Variants in FMNL2 observed in about 807,000 individuals in gnomAD.
FMNL2 encodes the protein formin-like protein 2.
A neutral mutation model predicts 130.2 loss-of-function variants in FMNL2; 51 were observed. The ratio of observed to expected loss-of-function variants is 0.39; its 90% CI spans 0.31 to 0.49. The LOEUF is 0.49. FMNL2 is among the 20% of genes least tolerant of loss of function. The pLI, the probability that FMNL2 is intolerant of heterozygous loss-of-function variation, is 0.85. For synonymous variants in FMNL2, 465 were observed against 467.1 expected (o/e 1.00, Z 0.06); for missense variants, 977 against 1,316.2 (o/e 0.74, Z 3.99).
At chr2:152,460,237 G>A (rs1164600971) in intron 1 of FMNL2, among the ~76,000 whole-genome samples, 1 of 152,102 alleles carries the variant, frequency 6.6e-6, no homozygotes, top group African/African-American at 2.4e-5. Flanking sequence ...ACAAAGAATA[G>A]CATGTTCTAT....
At chr2:152,571,967 C>T (rs540642400) in intron 6 of FMNL2, among the ~76,000 whole-genome samples, 1 of 151,658 alleles carries the variant, frequency 6.6e-6, no homozygotes, top group Admixed American at 6.6e-5. Flanking sequence ...AATCAATTAG[C>T]CTCATCTTTT....
At chr2:152,412,479 TATATATATATATATATATATATA>T (rs1686367045) in intron 1 of FMNL2, among the ~76,000 whole-genome samples, 1 of 37,330 alleles carries the variant, frequency 2.7e-5, no homozygotes, top group African/African-American at 1.0e-4. Context: ...TATATATATA[TATATATATATATATATATATATA>T]AATTAGAAAA....
intron 23 of FMNL2, 23 bp downstream of exon 23, chr2:152,637,697 C>G (rs780772332): frequency 6.2e-7 from 1 of 1,600,964 alleles, no homozygotes; most frequent in Non-Finnish European, 8.6e-7. Context: ...GCCCTCCTTG[C>G]CCTTATTTCT....
intron 1 of FMNL2, among the ~76,000 whole-genome samples, chr2:152,454,108 T>G (rs181024041): frequency 2.0e-5 from 3 of 150,888 alleles, no homozygotes; most frequent in African/African-American, 7.3e-5. Flanking sequence ...ACCCTGTCTC[T>G]GCTAAAAATA....
chr2:152,457,479 C>T (rs1689018401), intron 1 of FMNL2, among the ~76,000 whole-genome samples: 1 of 152,160 alleles, frequency 6.6e-6, no homozygotes, highest in South Asian at 2.1e-4. Context: ...TTCTTCACAC[C>T]TGTGACTTTA....
Position 152,619,552 on chromosome 2 carries a change from G to GCCACCCCCTCCC in FMNL2, c.1673_1674insACCCCCTCCCCC (p.Pro570_Pro573dup). ...CACCACCTATGCCACCGCCGCCGCC[G>GCCACCCCCTCCC]CCCCCTCCTCCACCTCCTCCTCCCC... On this transcript the variant is annotated inframe_insertion, in exon 15 of 26. Transcript: ENST00000288670. The GCCACCCCCTCCC allele has an allele frequency of 1.4e-6, 2 of 1,417,696 alleles. No homozygotes were observed. The highest frequency in any genetic ancestry group is 1.3e-5 in the South Asian group (1 of 79,024). The allele number at this position is 1,417,696 out of a possible 1,614,324, so 87.8% of individuals were successfully genotyped here. A position where few individuals can be genotyped will look rare whatever the true frequency, so the allele number is the denominator to read the frequency against.
intron 1 of FMNL2, among the ~76,000 whole-genome samples, chr2:152,493,533 G>A (rs1691331154): frequency 1.3e-5 from 2 of 152,200 alleles, no homozygotes; most frequent in African/African-American, 4.8e-5. Flanking sequence ...GGTGATTTGG[G>A]TGATGGGGGT....
At chr2:152,421,367 A>G (rs1242087799) in intron 1 of FMNL2, among the ~76,000 whole-genome samples, 1 of 152,210 alleles carries the variant, frequency 6.6e-6, no homozygotes, top group Non-Finnish European at 1.5e-5. Context: ...CCTAAGCACC[A>G]TTGCCATATC....
intron 1 of FMNL2, among the ~76,000 whole-genome samples, chr2:152,448,564 C>T (rs1402958634): frequency 1.3e-5 from 2 of 152,176 alleles, no homozygotes; most frequent in Non-Finnish European, 2.9e-5. Flanking sequence ...TGGAGTAAAA[C>T]TCCTCGGGGT....
rs1233512168 is a variant in FMNL2, at chr2:152,548,941, G to A, written c.283-80G>A. On this transcript the variant is annotated intron_variant, in intron 3 of 25. Coordinates refer to ENST00000288670, the MANE Select transcript of FMNL2 (RefSeq NM_052905.4). Reference sequence around the variant, plus strand: ...TAGAAGTGAAGATATTTTTCATATTGTGTTAAATTTATTATAACTAAGCTT... The same window carrying A: ...TAGAAGTGAAGATATTTTTCATATTATGTTAAATTTATTATAACTAAGCTT... 6.4e-6 allele frequency: 7 copies of A among 1,094,722 alleles called. No homozygotes were observed. In the Admixed American group the frequency reaches 1.2e-4, roughly 19 times the overall value. The allele number at this position is 1,094,722 out of a possible 1,614,324, so 67.8% of individuals were successfully genotyped here. A position where few individuals can be genotyped will look rare whatever the true frequency, so the allele number is the denominator to read the frequency against.
intron 1 of FMNL2, among the ~76,000 whole-genome samples, chr2:152,519,524 A>G (rs1692957240): frequency 6.6e-6 from 1 of 152,208 alleles, no homozygotes. Flanking sequence ...GGGAATGTCT[A>G]GTAGAGTACT....
chr2:152,606,090 A>T (rs1226341531), intron 9 of FMNL2, among the ~76,000 whole-genome samples: 1 of 152,110 alleles, frequency 6.6e-6, no homozygotes, highest in Non-Finnish European at 1.5e-5. Context: ...TCTTCACCAA[A>T]ATATATATAT....
intron 1 of FMNL2, among the ~76,000 whole-genome samples, chr2:152,478,246 ATATATTTTT>A (rs1382380894): frequency 5.9e-5 from 4 of 67,696 alleles, no homozygotes; most frequent in African/African-American, 1.9e-4. Context: ...ATATATATAT[ATATATTTTT>A]TTTTTTTTTT....
chr2:152,447,022 G>A (rs1016713580), intron 1 of FMNL2, among the ~76,000 whole-genome samples: 3 of 151,916 alleles, frequency 2.0e-5, no homozygotes, highest in African/African-American at 7.3e-5. Context: ...TTAGTAAAGA[G>A]ATGATATTTA....
chr2:152,349,907 T>C (rs142156750), intron 1 of FMNL2, among the ~76,000 whole-genome samples: 3 of 151,256 alleles, frequency 2.0e-5, no homozygotes, highest in African/African-American at 7.2e-5. Flanking sequence ...AAAATATTTC[T>C]TGAGCGTTTA....
chr2:152,389,796 A>C, intron 1 of FMNL2: 3 of 1,449,200 alleles, frequency 2.1e-6, no homozygotes, highest in Non-Finnish European at 2.9e-6. Flanking sequence ...GACGCAAAAC[A>C]GACTTTTTCA....
At chr2:152,542,515 T>A (rs1694367594) in intron 2 of FMNL2, among the ~76,000 whole-genome samples, 1 of 152,184 alleles carries the variant, frequency 6.6e-6, no homozygotes, top group African/African-American at 2.4e-5. Flanking sequence ...AGCAGTGTCA[T>A]CAAAGAGAGT....
At chr2:152,563,948 C>T (rs1026623347) in intron 6 of FMNL2, among the ~76,000 whole-genome samples, 10 of 152,240 alleles carry the variant, frequency 6.6e-5, no homozygotes, top group South Asian at 4.1e-4. Flanking sequence ...CGGGTGAAAA[C>T]GACATCCAAG....
At chr2:152,474,107 C>T (rs1690012251) in intron 1 of FMNL2, among the ~76,000 whole-genome samples, 3 of 152,068 alleles carry the variant, frequency 2.0e-5, no homozygotes, top group Non-Finnish European at 2.9e-5. Context: ...AAACTCCTGG[C>T]CTCAAGTGAT....
Sources: gnomAD v4.1 joint callset for allele counts (sites outside exome capture counted in the v4.1 genomes callset) on GRCh38, gnomAD v4.1.1 for gene constraint, MANE v1.5 for transcripts, NCBI Gene and HGNC (gene_info 2026-07-23, HGNC 2026-07-21) for gene names.